CEACAM6: variants seen among roughly 807,000 people sequenced by gnomAD.
The protein encoded by CEACAM6 is CEA cell adhesion molecule 6.
A neutral mutation model predicts 32.4 loss-of-function variants in CEACAM6; 21 were observed. The ratio of observed to expected loss-of-function variants is 0.65; its 90% confidence interval spans 0.46 to 0.93. The LOEUF is 0.93. Ranked by LOEUF, CEACAM6 falls within the 40% of genes least tolerant of loss-of-function variation. The pLI is 0.00. For synonymous variants in CEACAM6, 184 were observed against 174.4 expected, an observed-to-expected ratio of 1.06 and a Z score of -0.43; for missense variants, 406 against 432.2, an observed-to-expected ratio of 0.94 and a Z score of 0.54.
At chr19:41,757,149 C>A (rs1336796531) in intron 2 of CEACAM6, among the ~76,000 whole-genome samples, 190 bp downstream of exon 2, 1 of 152,062 alleles carries the variant, frequency 6.6e-6, no homozygotes, top group Non-Finnish European at 1.5e-5. Flanking sequence ...TGGATCCAGA[C>A]CCTGCAGACA....
At chr19:41,761,221 G>A (rs1339524409) in intron 2 of CEACAM6, 28 bp from the exon 3 acceptor site, 1 of 1,614,108 alleles carries the variant, frequency 6.2e-7, no homozygotes. Context: ...TGCCACACAG[G>A]GCAATCTTCT....
At chr19:41,766,931 G>A (rs2072959694) in intron 5 of CEACAM6, among the ~76,000 whole-genome samples, 1 of 151,288 alleles carries the variant, frequency 6.6e-6, no homozygotes, top group Non-Finnish European at 1.5e-5. Flanking sequence ...GCGTGAACCT[G>A]GGAGGTGGAG....
At chr19:41,757,068 A>G (rs782063140) in intron 2 of CEACAM6, 109 bp downstream of exon 2, 12 of 1,512,682 alleles carry the variant, frequency 7.9e-6, no homozygotes, top group Non-Finnish European at 1.1e-5. Context: ...TACATCCTGT[A>G]TCAGGGTTTG....
At chr19:41,760,526 C>T (rs782493915) in intron 2 of CEACAM6, among the ~76,000 whole-genome samples, 5 of 152,212 alleles carry the variant, frequency 3.3e-5, no homozygotes, top group Admixed American at 6.5e-5. Flanking sequence ...AAAAGGAACA[C>T]GGTTCTGCTG....
At chr19:41,763,696 A>G (rs781851536) in intron 4 of CEACAM6, among the ~76,000 whole-genome samples, 6 of 152,120 alleles carry the variant, frequency 3.9e-5, no homozygotes, top group Non-Finnish European at 8.8e-5. Context: ...ACTTGGGTGG[A>G]CTGAGGGGTG....
Position 41,761,497 on chromosome 19 carries a change from C to A in CEACAM6, c.673C>A (p.Arg225Ser). The A allele has an allele frequency of 1.2e-6, 2 of 1,614,180 alleles. No homozygotes were observed. The highest frequency in any genetic ancestry group is 1.7e-6 in the Non-Finnish European group (2 of 1,180,028). Reference protein sequence around the residue: ...CEIQNPASANRSDPVTLNVLY... With the variant: ...CEIQNPASANSSDPVTLNVLY... ...AATACAGAACCCAGCGAGTGCCAAC[C>A]GCAGTGACCCAGTCACCCTGAATGT... The change falls in exon 3 of 6, where the codon CGC (arginine) becomes AGC (serine). Residue 225 changes from arginine to serine, a missense_variant. Coordinates refer to ENST00000199764, the MANE Select transcript of CEACAM6 (RefSeq NM_002483.7).
intron 2 of CEACAM6, among the ~76,000 whole-genome samples, chr19:41,757,233 G>T (rs797033721): frequency 2.0e-5 from 3 of 152,056 alleles, no homozygotes; most frequent in Non-Finnish European, 4.4e-5. Flanking sequence ...GCACCCCATG[G>T]TCTCCCCATG....
rs555322653 is a variant in CEACAM6 at position 41,770,398 on chromosome 19, A to AGGCCTATACTATTCATGTGCGTACATG, written c.*41-383_*41-357dup. On this transcript the variant is annotated intron_variant, in intron 5 of 5. Transcript: ENST00000199764. Reference sequence around the variant, plus strand: ...CGCTCCAGCCTGGGAGTGCATACATAGGCCTATACTATTCATGTGCGTACA... The same window carrying AGGCCTATACTATTCATGTGCGTACATG: ...CGCTCCAGCCTGGGAGTGCATACATAGGCCTATACTATTCATGTGCGTACATGGGCCTATACTATTCATGTGCGTACA... 7.3e-4 allele frequency among the ~76,000 whole-genome samples: 111 copies of AGGCCTATACTATTCATGTGCGTACATG among 152,070 alleles called. 1 individual carries two copies. The highest frequency in any genetic ancestry group is 1.2e-3 in the Non-Finnish European group (82 of 67,986).
chr19:41,761,157 G>A, intron 2 of CEACAM6, 92 bp from the exon 3 acceptor site: 2 of 1,591,988 alleles, frequency 1.3e-6, no homozygotes, highest in Non-Finnish European at 8.6e-7. Flanking sequence ...CAAGGGGGCT[G>A]AGAGGTGAGA....
chr19:41,758,243 C>T lies in CEACAM6; in HGVS notation c.424+1284C>T, dbSNP rs112481771. ...CCTGTTTCCCGATGTGTGGGTGTCA[C>T]TCCCATGGGAGGATAAAGGAGAGGA... is the stretch of plus-strand genomic sequence containing the variant. On this transcript the variant is annotated intron_variant, in intron 2 of 5. Coordinates refer to ENST00000199764, the MANE Select transcript of CEACAM6 (RefSeq NM_002483.7). Among the ~76,000 whole-genome samples the T allele has an allele frequency of 3.0e-4, 46 of 152,310 alleles. 1 individual carries two copies. Among genetic ancestry groups the T allele is most frequent in the African/African-American group, 1.1e-3 (44 of 41,568 alleles).
rs1227001590 is a variant in CEACAM6, at chr19:41,767,786, T to G, written c.*40+1487T>G. On this transcript the variant is annotated intron_variant, in intron 5 of 5. Transcript: ENST00000199764. ...TTTTTCAACATACATGGGCCTATAC[T>G]TTGTTGGCCTAATTCATTAATGGGC... Among the ~76,000 whole-genome samples the G allele has an allele frequency of 2.6e-5, 4 of 152,260 alleles. 1 individual carries two copies. The highest frequency in any genetic ancestry group is 9.6e-5 in the African/African-American group (4 of 41,552).
intron 4 of CEACAM6, 127 bp from the exon 5 acceptor site, chr19:41,766,056 A>G (rs2072953692): frequency 3.7e-6 from 2 of 539,514 alleles, no homozygotes; most frequent in Admixed American, 3.7e-5. Flanking sequence ...AAAAATTGCA[A>G]CTTTCCCACA....
In CEACAM6 at chr19:41,762,423, G is replaced by T. The variant is rs530384087; in HGVS notation, c.958+200G>T. On this transcript the variant is annotated intron_variant, in intron 4 of 5. Transcript: ENST00000199764. Reference sequence around the variant, plus strand: ...TGTTTTTTGTTGTTTTTTGTTTTTTGATTTCTCATGTCTGACTTTGGGTCC... The same window carrying T: ...TGTTTTTTGTTGTTTTTTGTTTTTTTATTTCTCATGTCTGACTTTGGGTCC... Among the ~76,000 whole-genome samples the T allele has an allele frequency of 4.6e-5, 7 of 151,670 alleles. No homozygotes were observed. The East Asian group carries it at 1.4e-3, about 29-fold the overall frequency.
chr19:41,768,419 A>G (rs1332874887), intron 5 of CEACAM6, among the ~76,000 whole-genome samples: 1 of 152,236 alleles, frequency 6.6e-6, no homozygotes, highest in Non-Finnish European at 1.5e-5. Context: ...TTTGGGGGTA[A>G]GGTCACAGTT....
intron 4 of CEACAM6, among the ~76,000 whole-genome samples, chr19:41,763,666 C>G (rs1475024854): frequency 6.6e-6 from 1 of 152,200 alleles, no homozygotes; most frequent in African/African-American, 2.4e-5. Flanking sequence ...GACACACACA[C>G]CTGCCCTGGG....
intron 5 of CEACAM6, among the ~76,000 whole-genome samples, chr19:41,767,621 G>A (rs946776989): frequency 6.6e-6 from 1 of 152,250 alleles, no homozygotes; most frequent in South Asian, 2.1e-4. Flanking sequence ...ATCTGGAGTG[G>A]GACCCAGGCA....
At chr19:41,761,577 A>G (rs782483251) in intron 3 of CEACAM6, 50 bp downstream of exon 3, 9 of 1,603,660 alleles carry the variant, frequency 5.6e-6, no homozygotes, top group South Asian at 3.4e-5. Context: ...CCAAATCCAC[A>G]CAGCCAGAGT....
At chr19:41,768,011 G>A (rs180755288) in intron 5 of CEACAM6, among the ~76,000 whole-genome samples, 1 of 152,306 alleles carries the variant, frequency 6.6e-6, no homozygotes, top group East Asian at 1.9e-4. Context: ...CAGATTATAA[G>A]CCATAATGTC....
At position 41,761,348 on chromosome 19, in the gene CEACAM6, C is replaced by G. The variant is rs781897263; in HGVS notation, c.524C>G (p.Thr175Ser). The G allele has an allele frequency of 6.2e-7, 1 of 1,614,236 alleles. No individual in the cohort carries two copies. Among genetic ancestry groups the G allele is most frequent in the South Asian group, 1.1e-5 (1 of 91,080 alleles). ...TGTGAACCTGAGGTTCAGAACACAA[C>G]CTACCTGTGGTGGGTAAATGGTCAG... ...FTCEPEVQNTTYLWWVNGQSL... is the reference protein window; with the variant it reads ...FTCEPEVQNTSYLWWVNGQSL... The change falls in exon 3 of 6, where the codon ACC becomes AGC. Residue 175 changes from threonine to serine, a missense_variant. By Grantham distance (58) the Thr-to-Ser change is moderately conservative. Coordinates refer to ENST00000199764, the MANE Select transcript of CEACAM6 (RefSeq NM_002483.7).
Sources: allele counts gnomAD v4.1 joint callset (sites outside exome capture counted in the v4.1 genomes callset), GRCh38; gene constraint gnomAD v4.1.1; transcripts MANE v1.5; gene names NCBI Gene and HGNC (gene_info 2026-07-23, HGNC 2026-07-21).